The following NYAP2 variants were observed in gnomAD, a reference collection of about 807,000 sequenced individuals.
The protein encoded by NYAP2 is neuronal tyrosine-phosphorylated phosphoinositide-3-kinase adaptor 2.
In NYAP2, 23 loss-of-function variants were observed where a neutral mutation model predicts 50.4. The observed-to-expected ratio is 0.46, with a 90% CI of 0.33 to 0.65. The LOEUF (loss-of-function observed/expected upper bound fraction) is 0.65. Among genes scored for constraint, NYAP2 ranks in the 30% least tolerant of loss-of-function variants. The pLI is 0.02. For missense variants in NYAP2, 885 were observed against 861.0 expected (o/e 1.03, Z -0.35); for synonymous variants, 394 against 365.2 (o/e 1.08, Z -0.90).
chr2:225,687,805 G>A, the NYAP2 span, among the ~76,000 whole-genome samples: 2 of 152,092 alleles, frequency 1.3e-5, no homozygotes, highest in African/African-American at 2.4e-5. Context: ...TACCCAGTAC[G>A]TATGGACAGA....
chr2:225,503,310 A>C (rs1574647304), intron 3 of NYAP2, among the ~76,000 whole-genome samples: 2 of 152,318 alleles, frequency 1.3e-5, no homozygotes. Flanking sequence ...TGAATATTAT[A>C]ATTTATTTTC....
intron 3 of NYAP2, among the ~76,000 whole-genome samples, chr2:225,507,087 C>A (rs1419033816): frequency 3.3e-5 from 5 of 152,178 alleles, no homozygotes; most frequent in Non-Finnish European, 1.5e-5. Context: ...GTTTGTATCT[C>A]AAATTTCTAG....
chr2:225,666,772 T>C, the NYAP2 span, among the ~76,000 whole-genome samples: 3 of 152,120 alleles, frequency 2.0e-5, no homozygotes, highest in African/African-American at 4.8e-5. Context: ...CTTTTCAGGA[T>C]TGGGAGGGCC....
intron 3 of NYAP2, among the ~76,000 whole-genome samples, chr2:225,411,347 A>T (rs1300523486): frequency 6.6e-6 from 1 of 152,172 alleles, no homozygotes; most frequent in African/African-American, 2.4e-5. Flanking sequence ...TGCCTAAGCT[A>T]GCAGAATGAT....
chr2:225,518,157 C>T (rs986772124), intron 4 of NYAP2, among the ~76,000 whole-genome samples: 13 of 151,826 alleles, frequency 8.6e-5, no homozygotes, highest in Admixed American at 2.6e-4. Flanking sequence ...CACATACATA[C>T]AATAGAATAC....
the NYAP2 span, among the ~76,000 whole-genome samples, chr2:225,687,819 C>T: frequency 2.6e-4 from 39 of 152,216 alleles, no homozygotes; most frequent in African/African-American, 8.2e-4. Flanking sequence ...GGACAGAGAA[C>T]GGGAAAGGTC....
chr2:225,465,985 T>C (rs1689911359), intron 3 of NYAP2, among the ~76,000 whole-genome samples: 1 of 152,120 alleles, frequency 6.6e-6, no homozygotes, highest in Non-Finnish European at 1.5e-5. Context: ...GCAGGCCTAT[T>C]AAGGCTCACC....
At chr2:225,660,497 G>A in the NYAP2 span, among the ~76,000 whole-genome samples, 1 of 137,332 alleles carries the variant, frequency 7.3e-6, no homozygotes, top group Admixed American at 8.1e-5. Context: ...CCACATACCA[G>A]TTTTAAATGC....
At chr2:225,660,548 G>A in the NYAP2 span, among the ~76,000 whole-genome samples, 3 of 144,962 alleles carry the variant, frequency 2.1e-5, no homozygotes, top group East Asian at 2.1e-4. Flanking sequence ...ATTATAAAAT[G>A]TATCGATTTA....
the NYAP2 span, among the ~76,000 whole-genome samples, chr2:225,690,394 T>A: frequency 9.2e-5 from 14 of 152,236 alleles, no homozygotes; most frequent in East Asian, 2.7e-3. Context: ...CTACGTTATA[T>A]CAATTTCAAA....
intron 4 of NYAP2, among the ~76,000 whole-genome samples, chr2:225,561,082 G>A (rs748439152): frequency 5.3e-5 from 8 of 152,096 alleles, no homozygotes; most frequent in South Asian, 4.1e-4. Flanking sequence ...TTATGTTCTC[G>A]TGGGAAGAGG....
chr2:225,615,367 T>A (rs191242778), intron 5 of NYAP2, among the ~76,000 whole-genome samples: 1 of 152,158 alleles, frequency 6.6e-6, no homozygotes, highest in Non-Finnish European at 1.5e-5. Context: ...AGATCTACTA[T>A]TAATGAGGGA....
intron 4 of NYAP2, among the ~76,000 whole-genome samples, chr2:225,525,979 G>A (rs987060174): frequency 1.3e-5 from 2 of 152,194 alleles, no homozygotes; most frequent in Admixed American, 1.3e-4. Flanking sequence ...CAGCACCATG[G>A]CTGAAAGTCA....
In NYAP2 at chr2:225,570,960, T is replaced by C. The variant is rs539063601; in HGVS notation, c.524-10981T>C. 5.9e-5 allele frequency among the ~76,000 whole-genome samples: 9 copies of C among 152,312 alleles called. No individual in the cohort carries two copies. In the South Asian group the frequency reaches 1.9e-3, roughly 32 times the overall value. On this transcript the variant is annotated intron_variant, in intron 4 of 6. Transcript: ENST00000636099. ...ACAGGCATTGGGTAAATATGCATGT[T>C]CCAAACAAGATGAATTAGTCAAAAC...
chr2:225,597,319 C>T (rs1364912995), intron 5 of NYAP2, among the ~76,000 whole-genome samples: 1 of 150,930 alleles, frequency 6.6e-6, no homozygotes, highest in Non-Finnish European at 1.5e-5. Context: ...TCCTGAGTCC[C>T]CAAAGTCCAT....
chr2:225,620,912 G>A (rs1261695312), intron 5 of NYAP2, among the ~76,000 whole-genome samples: 1 of 152,008 alleles, frequency 6.6e-6, no homozygotes, highest in African/African-American at 2.4e-5. Flanking sequence ...GCGGGAGATC[G>A]AGACCATTCT....
At chr2:225,628,887 A>T (rs565508478) in intron 6 of NYAP2, among the ~76,000 whole-genome samples, 303 of 152,278 alleles carry the variant, frequency 2.0e-3, no homozygotes, top group African/African-American at 5.9e-3. Context: ...GACAAAAAAG[A>T]TATCCTTACA....
the NYAP2 span, among the ~76,000 whole-genome samples, chr2:225,682,353 C>A: frequency 6.6e-6 from 1 of 152,074 alleles, no homozygotes; most frequent in Non-Finnish European, 1.5e-5. Flanking sequence ...GTGTGAAAAG[C>A]CATGAGTAAA....
chr2:225,476,429 A>G (rs1383599801), intron 3 of NYAP2, among the ~76,000 whole-genome samples: 1 of 151,884 alleles, frequency 6.6e-6, no homozygotes. Context: ...AAAAAAAAAA[A>G]ATTTACTTAA....
Sources: gnomAD v4.1 joint callset for allele counts (sites outside exome capture counted in the v4.1 genomes callset) on GRCh38, gnomAD v4.1.1 for gene constraint, MANE v1.5 for transcripts, NCBI Gene and HGNC (gene_info 2026-07-23, HGNC 2026-07-21) for gene names.